Variants in DTNA observed in about 807,000 individuals in gnomAD.
The protein encoded by DTNA is dystrophin-related protein 3.
A neutral mutation model predicts 100.7 loss-of-function variants in DTNA; 43 were observed. That is an observed-to-expected ratio of 0.43 (90% CI 0.33 to 0.55). DTNA has a LOEUF of 0.55. DTNA is among the 20% of genes least tolerant of loss of function. DTNA has a pLI of 0.04. For synonymous variants in DTNA, 349 were observed against 347.9 expected (o/e 1.00, Z -0.04); for missense variants, 798 against 953.9 (o/e 0.84, Z 2.15).
chr18:34,582,571 A>G (rs2048749370), intron 1 of DTNA, among the ~76,000 whole-genome samples: 2 of 152,184 alleles, frequency 1.3e-5, no homozygotes, highest in African/African-American at 4.8e-5. Context: ...ACTGATGGCA[A>G]CAGAATATTT....
At chr18:34,521,322 G>A (rs2042129737) in intron 1 of DTNA, among the ~76,000 whole-genome samples, 1 of 152,046 alleles carries the variant, frequency 6.6e-6, no homozygotes, top group Admixed American at 6.6e-5. Context: ...TCCACCACGA[G>A]CCATTCAATC....
At chr18:34,794,937 G>A (rs546397647) in intron 4 of DTNA, among the ~76,000 whole-genome samples, 2 of 152,132 alleles carry the variant, frequency 1.3e-5, no homozygotes, top group Non-Finnish European at 2.9e-5. Context: ...TTGGTGTCTC[G>A]CAGCATGTTA....
chr18:34,548,790 C>T (rs1015253565), intron 1 of DTNA, among the ~76,000 whole-genome samples: 5 of 152,146 alleles, frequency 3.3e-5, no homozygotes, highest in Non-Finnish European at 5.9e-5. Flanking sequence ...ATGTTAATAT[C>T]GGGTAACTGC....
chr18:34,752,262 A>G (rs1255478114), intron 1 of DTNA, among the ~76,000 whole-genome samples: 1 of 152,214 alleles, frequency 6.6e-6, no homozygotes, highest in Non-Finnish European at 1.5e-5. Context: ...ACTGAAATTC[A>G]TGAAAAGCAC....
chr18:34,627,771 G>A (rs1286300664), intron 1 of DTNA, among the ~76,000 whole-genome samples: 2 of 152,110 alleles, frequency 1.3e-5, no homozygotes, highest in Non-Finnish European at 2.9e-5. Context: ...TCCACCCACA[G>A]CCCAGCCTCT....
intron 15 of DTNA, among the ~76,000 whole-genome samples, chr18:34,856,524 T>C (rs950981722): frequency 2.6e-5 from 4 of 152,146 alleles, no homozygotes; most frequent in Non-Finnish European, 5.9e-5. Flanking sequence ...ATTGTATGGG[T>C]CACAGCCTGT....
At chr18:34,834,724 G>A (rs187623344) in intron 11 of DTNA, among the ~76,000 whole-genome samples, 1 of 152,122 alleles carries the variant, frequency 6.6e-6, no homozygotes, top group East Asian at 1.9e-4. Context: ...AACTAATAGA[G>A]TGAGACCTCA....
intron 1 of DTNA, among the ~76,000 whole-genome samples, chr18:34,718,621 G>A (rs560153598): frequency 6.6e-6 from 1 of 152,144 alleles, no homozygotes. Context: ...AAAGCCTTAT[G>A]ATCACTGCAG....
rs138917735 is a variant in DTNA at position 34,766,073 on chromosome 18, A to G, written c.148+32A>G. On this transcript the variant is annotated intron_variant, in intron 3 of 22. Coordinates refer to ENST00000444659, the MANE Select transcript of DTNA (RefSeq NM_001386795.1). ...ATGCCAGTTGTTTGGACTAATTACCATCATGAATCCTATAGTTTACATTTG... is the reference window on the plus strand; with the variant it reads ...ATGCCAGTTGTTTGGACTAATTACCGTCATGAATCCTATAGTTTACATTTG... 7.3e-5 allele frequency: 117 copies of G among 1,604,152 alleles called. No homozygotes were observed. In the East Asian group the frequency reaches 2.5e-3, roughly 34 times the overall value.
chr18:34,693,710 T>A (rs1437338107), intron 1 of DTNA, among the ~76,000 whole-genome samples: 1 of 151,782 alleles, frequency 6.6e-6, no homozygotes, highest in Non-Finnish European at 1.5e-5. Context: ...CAGAAATGTC[T>A]TTCTGGACCA....
intron 1 of DTNA, among the ~76,000 whole-genome samples, chr18:34,604,222 G>C (rs1402596138): frequency 3.3e-5 from 5 of 152,042 alleles, no homozygotes; most frequent in African/African-American, 1.2e-4. Flanking sequence ...AGATAATCCT[G>C]CTTTTCATTC....
At chr18:34,616,037 T>A (rs2055210527) in intron 1 of DTNA, among the ~76,000 whole-genome samples, 1 of 152,246 alleles carries the variant, frequency 6.6e-6, no homozygotes, top group African/African-American at 2.4e-5. Flanking sequence ...TGAATAGTGC[T>A]ACAGTTAACA....
intron 1 of DTNA, among the ~76,000 whole-genome samples, chr18:34,502,908 T>G (rs532648305): frequency 6.6e-6 from 1 of 152,316 alleles, no homozygotes; most frequent in East Asian, 1.9e-4. Context: ...CTTATATGTC[T>G]TTGCTGATTT....
chr18:34,604,298 T>A lies in DTNA; in HGVS notation c.-2+110784T>A, dbSNP rs963327894. Among the ~76,000 whole-genome samples, 20 of 152,288 alleles carry A rather than the reference T, an allele frequency of 1.3e-4. No homozygotes were observed. The East Asian group carries it at 3.5e-3, about 26-fold the overall frequency. ...CGATAAATCAATACTTTAAAAAAAATTTGGGAAATATAACTTCTTTCTGTA... is the reference window on the plus strand; with the variant it reads ...CGATAAATCAATACTTTAAAAAAAAATTGGGAAATATAACTTCTTTCTGTA... On this transcript the variant is annotated intron_variant, in intron 1 of 19. Transcript: ENST00000283365.
chr18:34,721,226 T>C (rs1385640327), intron 1 of DTNA, among the ~76,000 whole-genome samples: 1 of 152,152 alleles, frequency 6.6e-6, no homozygotes, highest in African/African-American at 2.4e-5. Flanking sequence ...AAAGTAAAAA[T>C]TGTCTCAGTG....
chr18:34,864,402 C>T (rs1257939844), intron 17 of DTNA, among the ~76,000 whole-genome samples: 3 of 152,028 alleles, frequency 2.0e-5, no homozygotes, highest in South Asian at 2.1e-4. Flanking sequence ...TACAGGCCCC[C>T]GCCACCGCGC....
At chr18:34,556,821 A>G (rs1295708120) in intron 1 of DTNA, among the ~76,000 whole-genome samples, 2 of 150,648 alleles carry the variant, frequency 1.3e-5, no homozygotes, top group African/African-American at 4.9e-5. Context: ...CTTCATTTCA[A>G]CTTTGGTGAA....
At chr18:34,668,242 A>G (rs1452590305) in intron 1 of DTNA, among the ~76,000 whole-genome samples, 2 of 152,028 alleles carry the variant, frequency 1.3e-5, no homozygotes, top group Non-Finnish European at 2.9e-5. Context: ...TCTGATGGTA[A>G]TTTGTATTTC....
intron 1 of DTNA, among the ~76,000 whole-genome samples, chr18:34,719,399 A>G (rs1021786759): frequency 1.3e-4 from 20 of 152,140 alleles, no homozygotes; most frequent in African/African-American, 4.1e-4. Context: ...AATCCTCACA[A>G]CAACCCTATG....
Sources: gnomAD v4.1 joint callset for allele counts (sites outside exome capture counted in the v4.1 genomes callset) on GRCh38, gnomAD v4.1.1 for gene constraint, MANE v1.5 for transcripts, NCBI Gene and HGNC (gene_info 2026-07-23, HGNC 2026-07-21) for gene names.